Variants in SAMHD1 observed in about 807,000 individuals in gnomAD.
SAMHD1 encodes SAM and HD domain containing deoxynucleoside triphosphate triphosphohydrolase 1, also known as deoxynucleoside triphosphate triphosphohydrolase SAMHD1.
A neutral mutation model predicts 79.6 loss-of-function variants in SAMHD1; 54 were observed. That is an observed-to-expected ratio of 0.68 (90% CI 0.55 to 0.85). The LOEUF (loss-of-function observed/expected upper bound fraction) is 0.85, where lower values mean the gene tolerates loss of function less well. SAMHD1 is among the 40% of genes least tolerant of loss of function. The probability of loss-of-function intolerance (pLI) is 0.00; values close to 1 mark genes in which losing one functional copy is unlikely to be tolerated. For synonymous variants in SAMHD1, 260 were observed against 264.1 expected (o/e 0.98, Z 0.15); for missense variants, 663 against 782.7 (o/e 0.85, Z 1.82).
intron 2 of SAMHD1, among the ~76,000 whole-genome samples, chr20:36,944,849 G>A (rs1010410367): frequency 3.3e-5 from 5 of 151,984 alleles, no homozygotes; most frequent in South Asian, 2.1e-4. Flanking sequence ...AGACGAGATC[G>A]TGCCATTGCA....
At chr20:36,947,060 C>G (rs369005488) in intron 1 of SAMHD1, 4 of 363,110 alleles carry the variant, frequency 1.1e-5, no homozygotes, top group East Asian at 1.2e-4. Context: ...CAAGAAAAAC[C>G]AGTTGCAAAA....
At chr20:36,933,743 G>A (rs1052470371) in intron 4 of SAMHD1, among the ~76,000 whole-genome samples, 4 of 151,368 alleles carry the variant, frequency 2.6e-5, no homozygotes, top group Admixed American at 6.6e-5. Flanking sequence ...CGCCTGCCCC[G>A]GCCTCCCAAA....
intron 13 of SAMHD1, among the ~76,000 whole-genome samples, chr20:36,900,777 T>C (rs1990290593): frequency 6.6e-6 from 1 of 150,472 alleles, no homozygotes; most frequent in Non-Finnish European, 1.5e-5. Flanking sequence ...TTTCACCATG[T>C]TGGCCAGGAT....
At chr20:36,920,124 T>C (rs564489677) in intron 6 of SAMHD1, among the ~76,000 whole-genome samples, 1 of 152,144 alleles carries the variant, frequency 6.6e-6, no homozygotes, top group Admixed American at 6.6e-5. Context: ...TATATTTTTT[T>C]AAAAAAAGAG....
At chr20:36,946,671 G>C in intron 2 of SAMHD1, 67 bp downstream of exon 2, 1 of 1,215,408 alleles carries the variant, frequency 8.2e-7, no homozygotes, top group South Asian at 1.3e-5. Context: ...AGAGATTTTG[G>C]GCTTTGTCCC....
intron 15 of SAMHD1, chr20:36,893,477 G>A (rs1240612115): frequency 3.5e-6 from 1 of 286,348 alleles, no homozygotes; most frequent in Non-Finnish European, 6.5e-6. Context: ...GCAAAGAAGG[G>A]GAGGAAGAAC....
At chr20:36,890,157 T>C (rs1341777172), downstream of SAMHD1, 1 of 152,148 alleles carries the variant, frequency 6.6e-6, no homozygotes, top group East Asian at 1.9e-4. Flanking sequence ...ATGAAAGGAG[T>C]AAATGAGTAA....
intron 9 of SAMHD1, among the ~76,000 whole-genome samples, chr20:36,915,301 G>A (rs192844973): frequency 2.4e-4 from 37 of 152,272 alleles, no homozygotes; most frequent in South Asian, 6.2e-4. Context: ...TAGTGCCACT[G>A]TACTCCAGCC....
chr20:36,932,658 C>T (rs1443253246), intron 4 of SAMHD1, among the ~76,000 whole-genome samples: 3 of 151,886 alleles, frequency 2.0e-5, no homozygotes, highest in South Asian at 2.1e-4. Context: ...CTCAGGTGAT[C>T]CACTGGCCTC....
chr20:36,919,638 C>T, intron 6 of SAMHD1, 119 bp from the exon 7 acceptor site: 2 of 900,022 alleles, frequency 2.2e-6, no homozygotes, highest in Non-Finnish European at 3.5e-6. Flanking sequence ...CATATTAATT[C>T]TCTAGTTTCT....
At chr20:36,927,041 T>C (rs2063540749) in intron 6 of SAMHD1, 141 bp downstream of exon 6, 6 of 694,414 alleles carry the variant, frequency 8.6e-6, no homozygotes, top group Non-Finnish European at 1.5e-5. Flanking sequence ...CATATATATA[T>C]ATATGTGAAT....
chr20:36,951,683 G>A lies in SAMHD1; in HGVS notation c.-40C>T. 1 of 1,610,274 alleles carries A rather than the reference G, an allele frequency of 6.2e-7. No individual in the cohort carries two copies. The highest frequency in any genetic ancestry group is 8.5e-7 in the Non-Finnish European group (1 of 1,179,852). On this transcript the variant is annotated 5_prime_UTR_variant, in exon 1 of 16. Coordinates refer to ENST00000646673, the MANE Select transcript of SAMHD1 (RefSeq NM_015474.4). ...TCCGGCACAGCAGTCAAGAACCTCG[G>A]CGCCGGACCCGCGCGCAGGCGCACT...
Position 36,905,387 on chromosome 20 carries a change from T to C in SAMHD1, c.1387A>G (p.Thr463Ala), listed in dbSNP as rs371887302. Residue 463 changes from threonine to alanine, a missense_variant, in exon 12 of 16, where the codon ACA becomes GCA. By Grantham distance (58) the Thr-to-Ala change is moderately conservative. Coordinates refer to ENST00000646673, the MANE Select transcript of SAMHD1 (RefSeq NM_015474.4). ...LFKYVGETQP[T>A]GQIKIKREDY... ...ACCCTTTTAATCTTTATTTGTCCTG[T>C]TGGCTGCGTCTCACCCACATACTTG... 3 of 1,614,012 alleles carry C rather than the reference T, an allele frequency of 1.9e-6. No homozygotes were observed. In the African/African-American group the frequency reaches 4.0e-5, roughly 22 times the overall value.
chr20:36,905,546 CAG>C (rs754016997), intron 11 of SAMHD1, 43 bp from the exon 12 acceptor site: 12 of 1,509,134 alleles, frequency 8.0e-6, no homozygotes, highest in African/African-American at 2.8e-5. Flanking sequence ...AATAAAAACA[CAG>C]AGTTAAAGAA....
chr20:36,937,165 T>C (rs572850819), intron 3 of SAMHD1, among the ~76,000 whole-genome samples: 5 of 151,444 alleles, frequency 3.3e-5, no homozygotes, highest in Non-Finnish European at 4.4e-5. Context: ...AAAAGATTCA[T>C]TGATACATTT....
intron 11 of SAMHD1, among the ~76,000 whole-genome samples, chr20:36,910,361 C>T (rs2063430613): frequency 6.6e-6 from 1 of 151,820 alleles, no homozygotes; most frequent in Non-Finnish European, 1.5e-5. Flanking sequence ...TGTGATGGCA[C>T]CACTGCACTC....
At chr20:36,931,637 C>T (rs1270661084) in intron 4 of SAMHD1, among the ~76,000 whole-genome samples, 1 of 151,784 alleles carries the variant, frequency 6.6e-6, no homozygotes, top group African/African-American at 2.4e-5. Context: ...ATTCCGTCCC[C>T]ACCACCCTCC....
intron 1 of SAMHD1, among the ~76,000 whole-genome samples, chr20:36,949,479 G>A (rs1224772012): frequency 2.0e-5 from 3 of 148,750 alleles, no homozygotes; most frequent in African/African-American, 4.9e-5. Context: ...AAATGAGGCC[G>A]GGCGCGGTGG....
chr20:36,918,572 C>T (rs183924947), intron 7 of SAMHD1, among the ~76,000 whole-genome samples: 5 of 151,510 alleles, frequency 3.3e-5, no homozygotes, highest in African/African-American at 1.2e-4. Context: ...GAGGCTGAGG[C>T]GGGTGGATCA....
Sources: allele counts gnomAD v4.1 joint callset (sites outside exome capture counted in the v4.1 genomes callset), GRCh38; gene constraint gnomAD v4.1.1; transcripts MANE v1.5; gene names NCBI Gene and HGNC (gene_info 2026-07-23, HGNC 2026-07-21).